Variants in ATXN2 observed in about 807,000 individuals in gnomAD.
ATXN2 encodes the protein ataxin-2.
Under a neutral mutation model 138.6 loss-of-function variants are expected in ATXN2, and 37 were observed. The ratio of observed to expected loss-of-function variants is 0.27; its 90% CI spans 0.21 to 0.35. The LOEUF (loss-of-function observed/expected upper bound fraction) is 0.35. Among genes scored for constraint, ATXN2 ranks in the 10% least tolerant of loss-of-function variants. The pLI is 1.00. For synonymous variants in ATXN2, 549 were observed against 543.7 expected (o/e 1.01, Z -0.13); for missense variants, 1,216 against 1,480.3 (o/e 0.82, Z 2.93).
At chr12:111,457,136 G>C (rs972287605) in intron 22 of ATXN2, 78 bp downstream of exon 22, 1 of 1,507,434 alleles carries the variant, frequency 6.6e-7, no homozygotes, top group African/African-American at 1.4e-5. Flanking sequence ...CTGACGATGC[G>C]ATACCTGGCA....
At chr12:111,565,620 T>C (rs1882959687) in intron 1 of ATXN2, among the ~76,000 whole-genome samples, 2 of 152,204 alleles carry the variant, frequency 1.3e-5, no homozygotes, top group South Asian at 2.1e-4. Context: ...TTGTGTGTTA[T>C]GACTACTCCA....
At chr12:111,522,332 C>T (rs1355037518) in intron 6 of ATXN2, among the ~76,000 whole-genome samples, 14 of 152,082 alleles carry the variant, frequency 9.2e-5, no homozygotes, top group Admixed American at 6.5e-4. Context: ...GAGTTCTGGC[C>T]GGGCACGGTG....
intron 18 of ATXN2, among the ~76,000 whole-genome samples, chr12:111,476,897 C>T (rs1257338122): frequency 6.6e-6 from 1 of 151,958 alleles, no homozygotes; most frequent in African/African-American, 2.4e-5. Flanking sequence ...GTAATTTTGA[C>T]GAGAATAAAA....
At chr12:111,576,355 A>C (rs958904144) in intron 1 of ATXN2, among the ~76,000 whole-genome samples, 52 of 152,038 alleles carry the variant, frequency 3.4e-4, no homozygotes, top group African/African-American at 1.2e-3. Flanking sequence ...GAATCACCTG[A>C]ACACAGGAGG....
intron 5 of ATXN2, among the ~76,000 whole-genome samples, chr12:111,533,804 G>C (rs948806404): frequency 6.6e-6 from 1 of 152,138 alleles, no homozygotes; most frequent in Admixed American, 6.6e-5. Context: ...TGGAATTACA[G>C]GTGTGACCCA....
chr12:111,531,885 C>A (rs74451561), intron 5 of ATXN2, among the ~76,000 whole-genome samples: 5,614 of 152,072 alleles, frequency 0.037, 361 homozygotes, highest in African/African-American at 0.13. Flanking sequence ...TACTTAAATT[C>A]GTAAAATACA....
chr12:111,487,837 A>G (rs1877745139), intron 15 of ATXN2, among the ~76,000 whole-genome samples: 1 of 152,166 alleles, frequency 6.6e-6, no homozygotes. Context: ...TGGCTGTAAA[A>G]AAAAATTGCC....
At chr12:111,574,943 G>A (rs1392078231) in intron 1 of ATXN2, among the ~76,000 whole-genome samples, 2 of 152,070 alleles carry the variant, frequency 1.3e-5, no homozygotes, top group African/African-American at 4.8e-5. Context: ...TAACCTCTCT[G>A]GGCCTTCATT....
intron 1 of ATXN2, among the ~76,000 whole-genome samples, chr12:111,569,080 C>T (rs1592911698): frequency 6.6e-6 from 1 of 151,990 alleles, no homozygotes; most frequent in East Asian, 1.9e-4. Context: ...CAGATTAATC[C>T]GGTCATATAA....
At position 111,552,179 on chromosome 12, in the gene ATXN2, C is replaced by T; in HGVS notation, c.571+101G>A. 7.8e-7 allele frequency: 1 copy of T among 1,289,866 alleles called. No individual in the cohort carries two copies. The highest frequency in any genetic ancestry group is 1.0e-6 in the Non-Finnish European group (1 of 958,602). 79.9% of individuals were successfully genotyped at this position (1,289,866 alleles called of 1,614,324 possible). On this transcript the variant is annotated intron_variant, in intron 5 of 24. Transcript: ENST00000673436. This position sits in a 1 kb window ranked among gnomAD's most constrained non-coding sequence, Gnocchi z 4.1. ...TACAGGAATGAGCCGCCATACCCAG[C>T]CCAGATATTTCTTTAAAAAAAGTTT...
chr12:111,558,235 C>T (rs1005707160), intron 1 of ATXN2, among the ~76,000 whole-genome samples: 2 of 152,148 alleles, frequency 1.3e-5, no homozygotes, highest in African/African-American at 4.8e-5. Flanking sequence ...CCACTGAAGT[C>T]TAAATTCTTG....
chr12:111,553,034 T>C lies in ATXN2; in HGVS notation c.349-57A>G. 4.2e-6 allele frequency: 5 copies of C among 1,192,938 alleles called. No homozygotes were observed. The East Asian group carries it at 1.1e-4, about 25-fold the overall frequency. The allele number at this position is 1,192,938 out of a possible 1,614,324, so 73.9% of individuals were successfully genotyped here. A position where few individuals can be genotyped will look rare whatever the true frequency, so the allele number is the denominator to read the frequency against. ...CAGTATACTACCCGGTCACCAGGGATATTTGTTTTCATTTTACTTTTTATA... is the reference window on the plus strand; with the variant it reads ...CAGTATACTACCCGGTCACCAGGGACATTTGTTTTCATTTTACTTTTTATA... On this transcript the variant is annotated intron_variant, in intron 3 of 24. Coordinates refer to ENST00000673436, the MANE Select transcript of ATXN2 (RefSeq NM_001372574.1).
At position 111,485,984 on chromosome 12, in the gene ATXN2, T is replaced by C. The variant is rs560582039; in HGVS notation, c.2305-119A>G. On this transcript the variant is annotated intron_variant, in intron 16 of 24. Coordinates refer to ENST00000673436, the MANE Select transcript of ATXN2 (RefSeq NM_001372574.1). ...CTTGCTTTAACTATGTCCCTTTTATTGAAAACAAAAACACAGCACATAAAT... is the reference window on the plus strand; with the variant it reads ...CTTGCTTTAACTATGTCCCTTTTATCGAAAACAAAAACACAGCACATAAAT... 7 of 926,004 alleles carry C rather than the reference T, an allele frequency of 7.6e-6. No homozygotes were observed. In the South Asian group the frequency reaches 2.1e-4, roughly 28 times the overall value. The allele number at this position is 926,004 out of a possible 1,614,324, so 57.4% of individuals were successfully genotyped here. A position where few individuals can be genotyped will look rare whatever the true frequency, so the allele number is the denominator to read the frequency against.
At chr12:111,599,579 A>C, upstream of ATXN2, 1 of 1,120,330 alleles carries the variant, frequency 8.9e-7, no homozygotes. Context: ...CTTTACCGGA[A>C]GTCGGAGGGG....
At chr12:111,515,525 A>G (rs1879803930) in intron 10 of ATXN2, among the ~76,000 whole-genome samples, 1 of 152,310 alleles carries the variant, frequency 6.6e-6, no homozygotes, top group African/African-American at 2.4e-5. Context: ...TCAAATTCAT[A>G]TGTCGTTTTT....
At chr12:111,545,296 C>T (rs1176856331) in intron 5 of ATXN2, among the ~76,000 whole-genome samples, 1 of 149,574 alleles carries the variant, frequency 6.7e-6, no homozygotes, top group African/African-American at 2.5e-5. Flanking sequence ...TATAAAAGAG[C>T]AAGGAGAAAA....
chr12:111,585,130 G>A (rs1231624426), intron 1 of ATXN2, among the ~76,000 whole-genome samples: 1 of 152,160 alleles, frequency 6.6e-6, no homozygotes. Flanking sequence ...GGTGTTATGA[G>A]TCACCATTAT....
chr12:111,592,954 G>C (rs1251867064), intron 1 of ATXN2, among the ~76,000 whole-genome samples: 3 of 151,302 alleles, frequency 2.0e-5, no homozygotes, highest in Non-Finnish European at 4.4e-5. Flanking sequence ...ACAGAAAATT[G>C]TAATTCTAGA....
At chr12:111,576,030 C>T (rs917342776) in intron 1 of ATXN2, among the ~76,000 whole-genome samples, 3 of 151,122 alleles carry the variant, frequency 2.0e-5, no homozygotes, top group African/African-American at 2.4e-5. Context: ...TGCAGTAAGC[C>T]GAGATCATGC....
Sources: gnomAD v4.1 joint callset for allele counts (sites outside exome capture counted in the v4.1 genomes callset) on GRCh38, gnomAD v4.1.1 for gene constraint, Gnocchi (gnomAD v3.1) non-coding constraint, MANE v1.5 for transcripts, NCBI Gene and HGNC (gene_info 2026-07-23, HGNC 2026-07-21) for gene names.